The following NFIX variants were observed in gnomAD, a reference collection of about 807,000 sequenced individuals.
NFIX encodes nuclear factor I X.
In NFIX, 2 loss-of-function variants were observed where a neutral mutation model predicts 53.3. The observed-to-expected ratio is 0.04, with a 90% CI of 0.02 to 0.12. The LOEUF is 0.12. Among genes scored for constraint, NFIX ranks in the 10% least tolerant of loss-of-function variants. NFIX has a pLI of 1.00. For missense variants in NFIX, 310 were observed against 674.5 expected (o/e 0.46, Z 5.99); for synonymous variants, 244 against 289.0 (o/e 0.84, Z 1.58).
At position 13,094,908 on chromosome 19, in the gene NFIX, C is replaced by G. The variant is rs776075599; in HGVS notation, c.*259C>G. The G allele has an allele frequency of 3.9e-6, 2 of 515,500 alleles. No homozygotes were observed. The highest frequency in any genetic ancestry group is 7.0e-6 in the Non-Finnish European group (2 of 285,426). 31.9% of individuals were successfully genotyped at this position (515,500 alleles called of 1,614,324 possible). A position where few individuals can be genotyped will look rare whatever the true frequency, so the allele number is the denominator to read the frequency against. On this transcript the variant is annotated 3_prime_UTR_variant, in exon 11 of 11. Transcript: ENST00000592199. The surrounding 1 kb of genome is among the most constrained non-coding windows in gnomAD (Gnocchi z 4.3). The stretch of plus-strand genomic sequence containing the variant: ...CAGCAGCCAAGCAGAAAGAAACACG[C>G]GACATGGACTCTGTCAAGTAGAGGA...
In NFIX at chr19:13,067,405, C is replaced by T. The variant is rs2016473435; in HGVS notation, c.560-5642C>T. Among the ~76,000 whole-genome samples the T allele has an allele frequency of 6.6e-6, 1 of 152,148 alleles. No individual in the cohort carries two copies. The highest frequency in any genetic ancestry group is 1.5e-5 in the Non-Finnish European group (1 of 68,026). On this transcript the variant is annotated intron_variant, in intron 2 of 10. Coordinates refer to ENST00000592199, the MANE Select transcript of NFIX (RefSeq NM_001365902.3). The surrounding 1 kb of genome is among the most constrained non-coding windows in gnomAD (Gnocchi z 4.2). Reference sequence around the variant, plus strand: ...TCTGGTGGCTCCAGATGTACCATCTCACTCCACCCTTTCTGGACGGCAAGA... The same window carrying T: ...TCTGGTGGCTCCAGATGTACCATCTTACTCCACCCTTTCTGGACGGCAAGA...
intron 1 of NFIX, among the ~76,000 whole-genome samples, chr19:13,019,928 T>G (rs969076296): frequency 1.3e-5 from 2 of 149,620 alleles, no homozygotes; most frequent in African/African-American, 5.1e-5. Flanking sequence ...TTTTCCTTTT[T>G]TCCCCCCTTG....
At position 13,072,369 on chromosome 19, in the gene NFIX, C is replaced by T. The variant is rs2016825611; in HGVS notation, c.560-678C>T. Among the ~76,000 whole-genome samples the T allele has an allele frequency of 6.6e-6, 1 of 152,270 alleles. No homozygotes were observed. The highest frequency in any genetic ancestry group is 1.5e-5 in the Non-Finnish European group (1 of 68,032). On this transcript the variant is annotated intron_variant, in intron 2 of 10. Coordinates refer to ENST00000592199, the MANE Select transcript of NFIX (RefSeq NM_001365902.3). This position sits in a 1 kb window ranked among gnomAD's most constrained non-coding sequence, Gnocchi z 4.0. ...GCAGCTGTGGCACCGGGGCATGAGA[C>T]AGCCCAGACAGGCTGGCACAGAGCG...
intron 2 of NFIX, among the ~76,000 whole-genome samples, chr19:13,046,110 T>G (rs2014966980): frequency 6.6e-6 from 1 of 152,170 alleles, no homozygotes; most frequent in African/African-American, 2.4e-5. Flanking sequence ...CCTTCCACCA[T>G]TCATTCCTGT....
intron 1 of NFIX, among the ~76,000 whole-genome samples, chr19:13,016,383 C>T (rs1333115532): frequency 1.3e-5 from 2 of 152,048 alleles, no homozygotes; most frequent in African/African-American, 2.4e-5. Context: ...AAACTGCCTA[C>T]AGACAGGTAT....
At chr19:13,031,555 A>AG (rs1275845753) in intron 2 of NFIX, among the ~76,000 whole-genome samples, 4 of 152,210 alleles carry the variant, frequency 2.6e-5, no homozygotes, top group Non-Finnish European at 4.4e-5. Context: ...GTCCTGGCCT[A>AG]GGGGTTCCTA....
intron 1 of NFIX, among the ~76,000 whole-genome samples, chr19:13,020,159 T>C (rs1568264105): frequency 6.6e-6 from 1 of 152,158 alleles, no homozygotes; most frequent in Non-Finnish European, 1.5e-5. Context: ...ATCTCCTGCC[T>C]GGGGCTGGAG....
chr19:13,073,297 AG>A lies in NFIX; in HGVS notation c.623-122del, dbSNP rs2016878459. The A allele has an allele frequency of 4.1e-6, 4 of 982,754 alleles. No homozygotes were observed. In the South Asian group the frequency reaches 5.2e-5, roughly 13 times the overall value. 60.9% of individuals were successfully genotyped at this position (982,754 alleles called of 1,614,324 possible). On this transcript the variant is annotated intron_variant, in intron 3 of 10. Transcript: ENST00000592199. The surrounding 1 kb of genome is among the most constrained non-coding windows in gnomAD (Gnocchi z 4.5). ...ATCCCCCCTGTTCGGTGTAGACCTG[AG>A]GGCTAGCCTGGAGCTGGAAACGGGA...
intron 1 of NFIX, among the ~76,000 whole-genome samples, chr19:13,004,383 C>T (rs1242162035): frequency 6.6e-6 from 1 of 152,158 alleles, no homozygotes; most frequent in Non-Finnish European, 1.5e-5. Context: ...CAGGCATTGT[C>T]GCATATATAC....
chr19:13,033,444 G>A (rs1020793074), intron 2 of NFIX, among the ~76,000 whole-genome samples: 3 of 152,180 alleles, frequency 2.0e-5, no homozygotes, highest in Admixed American at 1.3e-4. Context: ...TGGACTATCA[G>A]TAGGGGGCAT....
Position 13,093,420 on chromosome 19 carries a change from G to C in NFIX, c.1495-1215G>C, listed in dbSNP as rs73507376. 0.014 allele frequency among the ~76,000 whole-genome samples: 2,165 copies of C among 152,346 alleles called. 46 individuals carry two copies. Among genetic ancestry groups the C allele is most frequent in the African/African-American group, 0.049 (2,032 of 41,572 alleles). On this transcript the variant is annotated intron_variant, in intron 10 of 10. Transcript: ENST00000592199. This position sits in a 1 kb window ranked among gnomAD's most constrained non-coding sequence, Gnocchi z 4.7. ...CTTCTTTTGAAAAGTTGGCAGATGA[G>C]CTGCCCTGGGCCCTCACCCTGACCC...
rs1485206527 is a variant in NFIX at position 13,089,616 on chromosome 19, G to A, written c.1403-683G>A. 6.6e-6 allele frequency among the ~76,000 whole-genome samples: 1 copy of A among 152,200 alleles called. No individual in the cohort carries two copies. Among genetic ancestry groups the A allele is most frequent in the Non-Finnish European group, 1.5e-5 (1 of 68,012 alleles). ...TTGCCACCCCCTGGGCCCAAGCCAG[G>A]CAGCCAGCTCCTAGGCCCTTCTCTG... On this transcript the variant is annotated intron_variant, in intron 9 of 10. Coordinates refer to ENST00000592199, the MANE Select transcript of NFIX (RefSeq NM_001365902.3). This position sits in a 1 kb window ranked among gnomAD's most constrained non-coding sequence, Gnocchi z 4.8.
At chr19:13,053,712 C>A (rs1045605405) in intron 2 of NFIX, among the ~76,000 whole-genome samples, 2 of 152,178 alleles carry the variant, frequency 1.3e-5, no homozygotes, top group Non-Finnish European at 2.9e-5. Context: ...CATATACCCC[C>A]ACCAGTTGAG....
intron 5 of NFIX, 72 bp from the exon 6 acceptor site, chr19:13,075,463 G>T (rs1270928777): frequency 1.3e-6 from 2 of 1,554,406 alleles, no homozygotes; most frequent in Non-Finnish European, 1.8e-6. Context: ...CAGTTCTTTA[G>T]CCTGGACTCT....
chr19:13,090,425 C>T lies in NFIX; in HGVS notation c.1494+35C>T. ...CCTGCCCACCACCTGGATGCAGGGA[C>T]CAGGGGAGTAGTCAGGGTTGGGGGG... On this transcript the variant is annotated intron_variant, in intron 10 of 10. Coordinates refer to ENST00000592199, the MANE Select transcript of NFIX (RefSeq NM_001365902.3). The surrounding 1 kb of genome is among the most constrained non-coding windows in gnomAD (Gnocchi z 6.6). The T allele has an allele frequency of 6.3e-7, 1 of 1,585,846 alleles. No individual in the cohort carries two copies. Among genetic ancestry groups the T allele is most frequent in the Admixed American group, 1.7e-5 (1 of 59,978 alleles).
chr19:13,032,231 T>C (rs1016609992), intron 2 of NFIX, among the ~76,000 whole-genome samples: 1 of 152,182 alleles, frequency 6.6e-6, no homozygotes, highest in African/African-American at 2.4e-5. Flanking sequence ...CTTTCTGAGT[T>C]GGGGGCTCAG....
At chr19:13,053,836 C>G (rs1179482649) in intron 2 of NFIX, among the ~76,000 whole-genome samples, 1 of 152,094 alleles carries the variant, frequency 6.6e-6, no homozygotes, top group African/African-American at 2.4e-5. Flanking sequence ...GGGGAACAGA[C>G]AGGAGGGGGT....
intron 2 of NFIX, chr19:13,071,035 C>T (rs1204847812): frequency 6.6e-6 from 1 of 152,402 alleles, no homozygotes; most frequent in East Asian, 1.9e-4. Context: ...TGTGAAGCTT[C>T]CTCCTTCTTC....
At position 13,043,961 on chromosome 19, in the gene NFIX, A is replaced by C. The variant is rs1277427866; in HGVS notation, c.559+18409A>C. ...GTAGCAAGACCCCCATCTCTATAAA[A>C]TAAAATTTAAAAAAAAAGAAAAAAG... On this transcript the variant is annotated intron_variant, in intron 2 of 10. Coordinates refer to ENST00000592199, the MANE Select transcript of NFIX (RefSeq NM_001365902.3). The surrounding 1 kb of genome is among the most constrained non-coding windows in gnomAD (Gnocchi z 4.0). Among the ~76,000 whole-genome samples, 1 of 152,116 alleles carries C rather than the reference A, an allele frequency of 6.6e-6. No homozygotes were observed. The highest frequency in any genetic ancestry group is 1.5e-5 in the Non-Finnish European group (1 of 68,012).
Sources: allele counts gnomAD v4.1 joint callset (sites outside exome capture counted in the v4.1 genomes callset), GRCh38; gene constraint gnomAD v4.1.1; non-coding constraint Gnocchi (gnomAD v3.1); transcripts MANE v1.5; gene names NCBI Gene and HGNC (gene_info 2026-07-23, HGNC 2026-07-21).